FABP7: variants seen among roughly 807,000 people sequenced by gnomAD.
FABP7 encodes the protein fatty acid binding protein 7.
A neutral mutation model predicts 14.2 loss-of-function variants in FABP7; 13 were observed. The observed-to-expected ratio is 0.91, with a 90% confidence interval of 0.59 to 1.45. The LOEUF is 1.45. FABP7 is among the 40% of genes most tolerant of loss of function. The probability of loss-of-function intolerance (pLI) is 0.00; values close to 1 mark genes in which losing one functional copy is unlikely to be tolerated. For synonymous variants in FABP7, 49 were observed against 51.4 expected (o/e 0.95, Z 0.20); for missense variants, 149 against 157.6 (o/e 0.95, Z 0.29).
the FABP7 span, among the ~76,000 whole-genome samples, chr6:122,760,659 A>C: frequency 6.6e-6 from 1 of 152,086 alleles, no homozygotes; most frequent in African/African-American, 2.4e-5. Flanking sequence ...GACTATGAAA[A>C]ATATGATTGG....
the FABP7 span, among the ~76,000 whole-genome samples, chr6:122,757,188 T>C: frequency 2.0e-5 from 3 of 152,122 alleles, no homozygotes; most frequent in African/African-American, 7.2e-5. Context: ...ATAATAGACA[T>C]CTCAAACTTA....
At chr6:122,774,878 A>G (rs970668333), upstream of FABP7, among the ~76,000 whole-genome samples, 2 of 152,114 alleles carry the variant, frequency 1.3e-5, no homozygotes, top group Admixed American at 1.3e-4. Context: ...GAACAATCTA[A>G]AAAAGATATC....
At chr6:122,774,389 C>CAG in the FABP7 span, among the ~76,000 whole-genome samples, 2 of 127,730 alleles carry the variant, frequency 1.6e-5, no homozygotes, top group South Asian at 2.5e-4. Flanking sequence ...AAAAAAAAGA[C>CAG]AGAGAGAGAG....
chr6:122,774,929 A>G (rs952936009), upstream of FABP7, among the ~76,000 whole-genome samples: 2 of 152,138 alleles, frequency 1.3e-5, no homozygotes, highest in Non-Finnish European at 2.9e-5. Flanking sequence ...ATAAACAAAT[A>G]CCTAGGAATA....
the FABP7 span, among the ~76,000 whole-genome samples, chr6:122,774,217 C>G: frequency 2.0e-5 from 3 of 151,798 alleles, no homozygotes; most frequent in Non-Finnish European, 4.4e-5. Flanking sequence ...CAAAAATTAG[C>G]TGGGCGTGGT....
upstream of FABP7, chr6:122,779,694 GGCAGGAGCT>G: frequency 1.8e-6 from 2 of 1,098,724 alleles, no homozygotes; most frequent in Non-Finnish European, 2.7e-6. Context: ...CAAATAAGAA[GGCAGGAGCT>G]GCTTGCTGAG....
At chr6:122,762,027 C>T in the FABP7 span, among the ~76,000 whole-genome samples, 8 of 152,072 alleles carry the variant, frequency 5.3e-5, no homozygotes, top group African/African-American at 1.9e-4. Flanking sequence ...GGAATCCTCC[C>T]TAACTCATTT....
chr6:122,779,867 G>C lies in FABP7; in HGVS notation c.73G>C (p.Gly25Arg), dbSNP rs1780739198. 1.9e-6 allele frequency: 3 copies of C among 1,613,702 alleles called. No homozygotes were observed. The highest frequency in any genetic ancestry group is 3.3e-5 in the Admixed American group (2 of 59,970). ...CTTTGATGAGTACATGAAGGCTCTA[G>C]GTAGGTAACAATAAGACCGGCTGTT... is the stretch of plus-strand genomic sequence containing the variant. ...QNFDEYMKAL[G>R]VGFATRQVGN... The change falls in exon 1 of 4, where the codon GGC becomes CGC. Residue 25 changes from glycine to arginine, a missense_variant and splice_region_variant. Coordinates refer to ENST00000368444, the MANE Select transcript of FABP7 (RefSeq NM_001446.5).
the FABP7 span, among the ~76,000 whole-genome samples, chr6:122,770,572 G>A: frequency 6.6e-6 from 1 of 151,988 alleles, no homozygotes; most frequent in East Asian, 1.9e-4. Context: ...AAGTTAATAA[G>A]GCATTAAATG....
At chr6:122,772,881 G>A in the FABP7 span, among the ~76,000 whole-genome samples, 1 of 152,082 alleles carries the variant, frequency 6.6e-6, no homozygotes, top group East Asian at 1.9e-4. Context: ...CATCCTTCCT[G>A]GGCAGGAGCT....
chr6:122,774,536 A>T, the FABP7 span, among the ~76,000 whole-genome samples: 4 of 152,096 alleles, frequency 2.6e-5, no homozygotes, highest in East Asian at 7.7e-4. Context: ...GAAAGCAACC[A>T]TTCTTAGGTA....
intron 3 of FABP7, 198 bp downstream of exon 3, chr6:122,781,392 C>A: frequency 7.0e-7 from 1 of 1,430,410 alleles, no homozygotes; most frequent in South Asian, 1.6e-5. Flanking sequence ...TTCTTCAGCT[C>A]AACTTCTTTG....
At chr6:122,763,515 C>A in the FABP7 span, among the ~76,000 whole-genome samples, 140 of 152,270 alleles carry the variant, frequency 9.2e-4, 3 homozygotes, top group Admixed American at 8.1e-3. Context: ...AAAGCAATGG[C>A]AACAAAAGCC....
chr6:122,769,347 C>T, the FABP7 span, among the ~76,000 whole-genome samples: 407 of 152,246 alleles, frequency 2.7e-3, 3 homozygotes, highest in African/African-American at 9.1e-3. Flanking sequence ...TCAAAAATTG[C>T]TGCTCACTAT....
chr6:122,757,752 A>C, the FABP7 span, among the ~76,000 whole-genome samples: 1 of 152,156 alleles, frequency 6.6e-6, no homozygotes, highest in African/African-American at 2.4e-5. Flanking sequence ...TGTGGATTGC[A>C]GGCTTTCTTT....
At chr6:122,763,216 G>C in the FABP7 span, among the ~76,000 whole-genome samples, 3 of 152,102 alleles carry the variant, frequency 2.0e-5, no homozygotes, top group African/African-American at 7.2e-5. Flanking sequence ...ACAGAACAGA[G>C]CCCTCAGAAG....
At chr6:122,774,389 CAG>C in the FABP7 span, among the ~76,000 whole-genome samples, 3 of 127,728 alleles carry the variant, frequency 2.3e-5, no homozygotes, top group African/African-American at 9.5e-5. Context: ...AAAAAAAAGA[CAG>C]AGAGAGAGAG....
chr6:122,749,863 G>T, the FABP7 span, among the ~76,000 whole-genome samples: 6 of 152,152 alleles, frequency 3.9e-5, no homozygotes, highest in Non-Finnish European at 7.3e-5. Flanking sequence ...ACTGTTTCTT[G>T]CTTCATTTCA....
At chr6:122,781,233 C>A in intron 3 of FABP7, 39 bp downstream of exon 3, 1 of 1,604,116 alleles carries the variant, frequency 6.2e-7, no homozygotes, top group South Asian at 1.1e-5. Flanking sequence ...TTGTTTTTTT[C>A]TCCTCTCCGC....
Sources: gnomAD v4.1 joint callset for allele counts (sites outside exome capture counted in the v4.1 genomes callset) on GRCh38, gnomAD v4.1.1 for gene constraint, MANE v1.5 for transcripts, NCBI Gene and HGNC (gene_info 2026-07-23, HGNC 2026-07-21) for gene names.